The following BMP5 variants were observed in gnomAD, a reference collection of about 807,000 sequenced individuals.
BMP5 encodes bone morphogenetic protein 5.
BMP5 carries 23 observed loss-of-function variants against 46.6 expected under a neutral mutation model. That is an observed-to-expected ratio of 0.49 (90% CI 0.35 to 0.70). BMP5 has a LOEUF of 0.70. Among genes scored for constraint, BMP5 ranks in the 30% least tolerant of loss-of-function variants. The pLI is 0.00. For missense variants in BMP5, 545 were observed against 565.6 expected (o/e 0.96, Z 0.37); for synonymous variants, 204 against 191.9 (o/e 1.06, Z -0.52).
rs1562031265 is a variant in BMP5, at chr6:55,774,158, CT to C, written c.917del (p.Lys306ArgfsTer10). 1 of 1,613,156 alleles carries C rather than the reference CT, an allele frequency of 6.2e-7. No homozygotes were observed. Among genetic ancestry groups the C allele is most frequent in the Non-Finnish European group, 8.5e-7 (1 of 1,179,458 alleles). On this transcript the variant is annotated frameshift_variant, in exon 4 of 7. Coordinates refer to ENST00000370830, the MANE Select transcript of BMP5 (RefSeq NM_021073.4). LOFTEE classifies it high-confidence loss of function. ...CGGATCGAAGAAGTACCTCACTCGC[CT>C]TGAAGAAGGCCACCATGAATGGTTG... ...SKQPFMVAFF[K>X]ASEVLLRSVR...
At chr6:55,853,661 A>G (rs961008537) in intron 1 of BMP5, among the ~76,000 whole-genome samples, 2 of 152,116 alleles carry the variant, frequency 1.3e-5, no homozygotes, top group African/African-American at 4.8e-5. Context: ...CAACTGCTGT[A>G]TTTTCATAAT....
chr6:55,757,566 C>G (rs1319083852), intron 6 of BMP5, among the ~76,000 whole-genome samples: 1 of 151,912 alleles, frequency 6.6e-6, no homozygotes, highest in Non-Finnish European at 1.5e-5. Context: ...CCTACCTACA[C>G]TCCATACTCC....
intron 2 of BMP5, among the ~76,000 whole-genome samples, chr6:55,810,302 T>C (rs1776097460): frequency 6.6e-6 from 1 of 152,140 alleles, no homozygotes; most frequent in African/African-American, 2.4e-5. Context: ...ACTGGTAAAA[T>C]AGTAATATTA....
At chr6:55,769,549 G>A (rs1774998109) in intron 4 of BMP5, among the ~76,000 whole-genome samples, 1 of 151,762 alleles carries the variant, frequency 6.6e-6, no homozygotes, top group Admixed American at 6.6e-5. Context: ...ACCCATCAAA[G>A]TCATCCAGGA....
chr6:55,873,059 C>A (rs1374035153), intron 1 of BMP5, among the ~76,000 whole-genome samples: 3 of 151,800 alleles, frequency 2.0e-5, no homozygotes, highest in African/African-American at 4.8e-5. Flanking sequence ...AATAATGAGA[C>A]CTTTGTCTCT....
chr6:55,805,971 C>T (rs893757484), intron 2 of BMP5, among the ~76,000 whole-genome samples: 10 of 151,966 alleles, frequency 6.6e-5, no homozygotes, highest in African/African-American at 2.4e-4. Context: ...GGTATCAGAC[C>T]TTCATCAGAT....
chr6:55,755,274 C>A lies in BMP5; in HGVS notation c.*259G>T. The A allele has an allele frequency of 1.2e-5, 4 of 331,102 alleles. No individual in the cohort carries two copies. The highest frequency in any genetic ancestry group is 5.0e-5 in the South Asian group (1 of 19,974). 20.5% of individuals were successfully genotyped at this position (331,102 alleles called of 1,614,324 possible). A position where few individuals can be genotyped will look rare whatever the true frequency, so the allele number is the denominator to read the frequency against. ...TGGAATTGAATGGACTCAGCATAAC[C>A]CATTGAAAATTATACTAGATGATCT... is the stretch of plus-strand genomic sequence containing the variant. On this transcript the variant is annotated 3_prime_UTR_variant, in exon 7 of 7. Transcript: ENST00000370830.
chr6:55,776,841 A>C (rs2127522337), intron 3 of BMP5, among the ~76,000 whole-genome samples: 1 of 152,018 alleles, frequency 6.6e-6, no homozygotes, highest in East Asian at 1.9e-4. Flanking sequence ...ATTATTCCAA[A>C]GACTTTCAAT....
chr6:55,806,226 A>G (rs1160848544), intron 2 of BMP5, among the ~76,000 whole-genome samples: 1 of 152,120 alleles, frequency 6.6e-6, no homozygotes, highest in Non-Finnish European at 1.5e-5. Flanking sequence ...TCTTCAGTCC[A>G]TCTTGAGTTA....
chr6:55,838,062 G>A (rs1776864229), intron 1 of BMP5, among the ~76,000 whole-genome samples: 1 of 152,186 alleles, frequency 6.6e-6, no homozygotes, highest in Non-Finnish European at 1.5e-5. Flanking sequence ...TTCATCTGTT[G>A]ATGGACACTT....
chr6:55,789,266 G>A (rs973134347), intron 3 of BMP5, among the ~76,000 whole-genome samples: 4 of 151,776 alleles, frequency 2.6e-5, no homozygotes, highest in East Asian at 3.9e-4. Flanking sequence ...TTGCCAAACC[G>A]AAAATGTCTG....
At chr6:55,795,258 T>G (rs765253023) in intron 2 of BMP5, among the ~76,000 whole-genome samples, 10 of 152,140 alleles carry the variant, frequency 6.6e-5, no homozygotes, top group Non-Finnish European at 1.5e-4. Context: ...TGACATTTAA[T>G]CTTTACAACA....
intron 1 of BMP5, among the ~76,000 whole-genome samples, chr6:55,834,134 G>T (rs372545093): frequency 6.6e-6 from 1 of 152,086 alleles, no homozygotes; most frequent in African/African-American, 2.4e-5. Flanking sequence ...ACCCTCTGAG[G>T]TGGCTTGATT....
intron 1 of BMP5, among the ~76,000 whole-genome samples, chr6:55,841,359 A>G (rs1420366667): frequency 6.6e-6 from 1 of 152,060 alleles, no homozygotes; most frequent in South Asian, 2.1e-4. Context: ...ACAGAATCTC[A>G]TTGGTCACTG....
chr6:55,833,963 T>G (rs1260450235), intron 1 of BMP5, among the ~76,000 whole-genome samples: 7 of 152,168 alleles, frequency 4.6e-5, no homozygotes, highest in Admixed American at 2.6e-4. Context: ...ATAATTTCAT[T>G]TAATACAATA....
intron 1 of BMP5, among the ~76,000 whole-genome samples, chr6:55,863,720 C>T (rs1425158931): frequency 6.6e-6 from 1 of 152,106 alleles, no homozygotes; most frequent in Non-Finnish European, 1.5e-5. Flanking sequence ...CTCAAAAATT[C>T]CTATCATCTA....
intron 3 of BMP5, among the ~76,000 whole-genome samples, chr6:55,780,211 A>C (rs1775275141): frequency 1.8e-5 from 1 of 54,514 alleles, no homozygotes; most frequent in Admixed American, 2.0e-4. Flanking sequence ...GTGGCTCATA[A>C]GTAAAGGGGA....
chr6:55,813,902 C>T (rs181273142), intron 2 of BMP5, among the ~76,000 whole-genome samples: 5 of 152,116 alleles, frequency 3.3e-5, no homozygotes, highest in South Asian at 2.1e-4. Flanking sequence ...AATAATACAG[C>T]GATAAACACT....
intron 1 of BMP5, among the ~76,000 whole-genome samples, chr6:55,869,719 AAAG>A (rs1777735120): frequency 6.6e-6 from 1 of 152,184 alleles, no homozygotes; most frequent in South Asian, 2.1e-4. Context: ...ATGAGGAGGC[AAAG>A]AAGAATGGGA....
Sources: allele counts gnomAD v4.1 joint callset (sites outside exome capture counted in the v4.1 genomes callset), GRCh38; gene constraint gnomAD v4.1.1; transcripts MANE v1.5; gene names NCBI Gene and HGNC (gene_info 2026-07-23, HGNC 2026-07-21).